Variants in KLHL30 observed in about 807,000 individuals in gnomAD.
The protein encoded by KLHL30 is kelch-like protein 30.
KLHL30 carries 55 observed loss-of-function variants against 55.0 expected under a neutral mutation model. The ratio of observed to expected loss-of-function variants is 1.00; its 90% CI spans 0.80 to 1.25. KLHL30 has a LOEUF of 1.25. KLHL30 is among the 50% of genes most tolerant of loss of function. The pLI, the probability that KLHL30 is intolerant of heterozygous loss-of-function variation, is 0.00. For synonymous variants in KLHL30, 356 were observed against 372.6 expected (o/e 0.96, Z 0.51); for missense variants, 786 against 811.6 (o/e 0.97, Z 0.38).
At position 238,140,874 on chromosome 2, in the gene KLHL30, C is replaced by A. The variant is rs747326598; in HGVS notation, c.120C>A (p.Gly40=). Reference sequence around the variant, plus strand: ...TGGCCGACGTCACACTGCTGGTGGGCGGCCGGGAGCTGCCATGCCACCGCG... The same window carrying A: ...TGGCCGACGTCACACTGCTGGTGGGAGGCCGGGAGCTGCCATGCCACCGCG... The part of the protein sequence containing the change: ...PKLADVTLLV[G]GRELPCHRGL... The change falls in exon 2 of 8, where the codon GGC becomes GGA. Residue 40 remains glycine, a synonymous_variant. Coordinates refer to ENST00000409223, the MANE Select transcript of KLHL30 (RefSeq NM_198582.4). 9 of 1,610,912 alleles carry A rather than the reference C, an allele frequency of 5.6e-6. No individual in the cohort carries two copies. Among genetic ancestry groups the A allele is most frequent in the Non-Finnish European group, 5.9e-6 (7 of 1,178,618 alleles).
At chr2:238,143,041 T>C (rs1200958263) in intron 3 of KLHL30, 110 bp downstream of exon 3, 25 of 1,297,826 alleles carry the variant, frequency 1.9e-5, no homozygotes, top group Non-Finnish European at 2.4e-5. Context: ...GACCGGGAGC[T>C]GTGTGAGGCC....
In KLHL30 at chr2:238,151,314, G is replaced by T. The variant is rs1031228104; in HGVS notation, c.*249G>T. 3.4e-6 allele frequency: 2 copies of T among 584,860 alleles called. No homozygotes were observed. Among genetic ancestry groups the T allele is most frequent in the East Asian group, 2.9e-5 (1 of 34,444 alleles). The allele number at this position is 584,860 out of a possible 1,614,324, so 36.2% of individuals were successfully genotyped here. A position where few individuals can be genotyped will look rare whatever the true frequency, so the allele number is the denominator to read the frequency against. ...GCCAGACGCTGGCATAACAGGGACA[G>T]GAAGCTCTGCTGCCCCTGGGGTTCC... is the stretch of plus-strand genomic sequence containing the variant. On this transcript the variant is annotated 3_prime_UTR_variant, in exon 8 of 8. Coordinates refer to ENST00000409223, the MANE Select transcript of KLHL30 (RefSeq NM_198582.4).
At position 238,138,765 on chromosome 2, in the gene KLHL30, T is replaced by C. The variant is rs1692477921; in HGVS notation, c.-71+7T>C. 1 of 152,672 alleles carries C rather than the reference T, an allele frequency of 6.5e-6. No homozygotes were observed. The highest frequency in any genetic ancestry group is 2.4e-5 in the African/African-American group (1 of 41,412). The allele number at this position is 152,672 out of a possible 1,614,324, so 9.5% of individuals were successfully genotyped here. On this transcript the variant is annotated splice_region_variant and intron_variant, in intron 1 of 7. Coordinates refer to ENST00000409223, the MANE Select transcript of KLHL30 (RefSeq NM_198582.4). The stretch of plus-strand genomic sequence containing the variant: ...GGTCCAGGCTGAGTGAGAGGTAGGA[T>C]CCAGGGGGCTCTGGGGCAGGGGACA...
rs754833564 is a variant in KLHL30 at position 238,149,078 on chromosome 2, G to C, written c.1411G>C (p.Gly471Arg). The change falls in exon 7 of 8, where the codon GGG becomes CGG. Residue 471 changes from glycine to arginine, a missense_variant. Gly to Arg is a moderately radical substitution (Grantham distance 125). Transcript: ENST00000409223. ...LSSPRCAALH[G>R]ELYLIGDNTK... is the part of the protein sequence containing the mutation. The stretch of plus-strand genomic sequence containing the variant: ...CTCGCCTCGCTGTGCTGCACTGCAC[G>C]GGGAGCTCTACCTCATTGGGGACAA... The C allele has an allele frequency of 2.5e-6, 4 of 1,613,296 alleles. No homozygotes were observed. The highest frequency in any genetic ancestry group is 3.4e-6 in the Non-Finnish European group (4 of 1,179,850).
At chr2:238,144,424 A>C (rs377579797) in intron 3 of KLHL30, among the ~76,000 whole-genome samples, 8,077 of 79,714 alleles carry the variant, frequency 0.1, 552 homozygotes, top group African/African-American at 0.25. Flanking sequence ...GGAAGGAAGG[A>C]AGGAAGGAAG....
chr2:238,148,900 T>G, intron 6 of KLHL30, 107 bp from the exon 7 acceptor site: 1 of 1,148,260 alleles, frequency 8.7e-7, no homozygotes, highest in Non-Finnish European at 1.2e-6. Context: ...ACAGGTTCAC[T>G]GAGGTTCAGA....
chr2:238,143,237 G>A (rs1340792044), intron 3 of KLHL30, among the ~76,000 whole-genome samples: 2 of 152,248 alleles, frequency 1.3e-5, no homozygotes, highest in African/African-American at 2.4e-5. Flanking sequence ...CACCCTGTGG[G>A]GTGGGCGGCC....
intron 1 of KLHL30, among the ~76,000 whole-genome samples, chr2:238,140,425 G>A (rs1281471845): frequency 6.6e-6 from 1 of 152,176 alleles, no homozygotes; most frequent in East Asian, 1.9e-4. Flanking sequence ...ACCCTGTTCT[G>A]CCCTGAATGC....
chr2:238,148,584 C>T (rs1429276364), intron 6 of KLHL30, among the ~76,000 whole-genome samples: 1 of 151,126 alleles, frequency 6.6e-6, no homozygotes, highest in Non-Finnish European at 1.5e-5. Flanking sequence ...GAGGACCCTT[C>T]AAGAGACTGA....
chr2:238,139,382 G>A (rs1320733293), intron 1 of KLHL30, among the ~76,000 whole-genome samples: 2 of 152,232 alleles, frequency 1.3e-5, no homozygotes, highest in African/African-American at 4.8e-5. Context: ...GCGCCTCCTG[G>A]GGAGGGGCCA....
chr2:238,149,793 A>T (rs1033531731), intron 7 of KLHL30, among the ~76,000 whole-genome samples: 1 of 151,984 alleles, frequency 6.6e-6, no homozygotes, highest in African/African-American at 2.4e-5. Flanking sequence ...CCACTCTTTG[A>T]CCATCAGTGC....
At position 238,144,009 on chromosome 2, in the gene KLHL30, A is replaced by G. The variant is rs932901572; in HGVS notation, c.908-893A>G. Among the ~76,000 whole-genome samples, 9 of 152,368 alleles carry G rather than the reference A, an allele frequency of 5.9e-5. No individual in the cohort carries two copies. In the South Asian group the frequency reaches 1.2e-3, roughly 21 times the overall value. On this transcript the variant is annotated intron_variant, in intron 3 of 7. Transcript: ENST00000409223. Reference sequence around the variant, plus strand: ...TTCCACAAACATCCAAAATATGTCCATTTATAGGACTTTACCATTTCCACA... The same window carrying G: ...TTCCACAAACATCCAAAATATGTCCGTTTATAGGACTTTACCATTTCCACA...
At chr2:238,149,686 G>T (rs1692717161) in intron 7 of KLHL30, among the ~76,000 whole-genome samples, 1 of 152,176 alleles carries the variant, frequency 6.6e-6, no homozygotes, top group African/African-American at 2.4e-5. Context: ...CTGCCCCAGG[G>T]TGGCCAAGTT....
At position 238,141,499 on chromosome 2, in the gene KLHL30, C is replaced by T. The variant is rs900946327; in HGVS notation, c.745C>T (p.Arg249Trp). The T allele has an allele frequency of 6.1e-6, 9 of 1,471,696 alleles. No homozygotes were observed. In the African/African-American group the frequency reaches 7.1e-5, roughly 12 times the overall value. 91.2% of individuals were successfully genotyped at this position (1,471,696 alleles called of 1,614,324 possible). ...CCTGATCCAGGAGTCAGAGGCATGC[C>T]GGGCAGCCCTGTCCCAGGGCCATGA... is the stretch of plus-strand genomic sequence containing the variant. ...EPLIQESEACRAALSQGHDGA... is the reference protein window; with the variant it reads ...EPLIQESEACWAALSQGHDGA... The change falls in exon 2 of 8, where the codon CGG becomes TGG. Residue 249 changes from arginine (R) to tryptophan (W), a missense_variant. Transcript: ENST00000409223.
rs1464976245 is a variant in KLHL30 at position 238,147,304 on chromosome 2, C to T, written c.1151-530C>T. ...GTGTCCCCAACCAGAGAGCAGAAAG[C>T]ACCCAGGGCTCCCGAGCCCAGGGCT... On this transcript the variant is annotated intron_variant, in intron 5 of 7. Transcript: ENST00000409223. This position sits in a 1 kb window ranked among gnomAD's most constrained non-coding sequence, Gnocchi z 5.8. 6.6e-6 allele frequency among the ~76,000 whole-genome samples: 1 copy of T among 152,100 alleles called. No individual in the cohort carries two copies. Among genetic ancestry groups the T allele is most frequent in the East Asian group, 1.9e-4 (1 of 5,170 alleles).
In KLHL30 at chr2:238,152,171, C is replaced by T. The variant is rs191644952; in HGVS notation, c.*1106C>T. The T allele has an allele frequency of 8.1e-6, 8 of 985,528 alleles. No homozygotes were observed. In the East Asian group the frequency reaches 9.1e-4, roughly 112 times the overall value. The allele number at this position is 985,528 out of a possible 1,614,324, so 61.0% of individuals were successfully genotyped here. On this transcript the variant is annotated 3_prime_UTR_variant, in exon 8 of 8. Transcript: ENST00000409223. ...CTGGTGTTGCCCCAGAGGCCCTGGG[C>T]AGCTCCGGTCTCCCGCCGGATCCAG...
At chr2:238,149,413 G>A (rs1252538602) in intron 7 of KLHL30, among the ~76,000 whole-genome samples, 3 of 152,128 alleles carry the variant, frequency 2.0e-5, no homozygotes, top group Non-Finnish European at 4.4e-5. Flanking sequence ...GCAGGCTGGG[G>A]TGCCCACAGA....
chr2:238,145,316 G>A (rs1160895179), intron 4 of KLHL30, among the ~76,000 whole-genome samples: 1 of 152,190 alleles, frequency 6.6e-6, no homozygotes, highest in African/African-American at 2.4e-5. Context: ...CCTTCAGCAG[G>A]AAGCCCCAGG....
At position 238,140,765 on chromosome 2, in the gene KLHL30, A is replaced by T. The variant is rs1692516283; in HGVS notation, c.11A>T (p.Asn4Ile). Residue 4 changes from asparagine (N) to isoleucine (I), a missense_variant, in exon 2 of 8, where the codon AAC becomes ATC. Asn to Ile is a moderately radical substitution (Grantham distance 149, BLOSUM62 -3). Coordinates refer to ENST00000409223, the MANE Select transcript of KLHL30 (RefSeq NM_198582.4). MVR[N>I]VDDLDFHLPS... ...CCTGGGCACGGCGTCATGGTGCGGA[A>T]CGTGGATGACCTGGATTTCCACCTG... 6.5e-7 allele frequency: 1 copy of T among 1,531,850 alleles called. No homozygotes were observed. Among genetic ancestry groups the T allele is most frequent in the African/African-American group, 1.4e-5 (1 of 73,192 alleles). The allele number at this position is 1,531,850 out of a possible 1,614,324, so 94.9% of individuals were successfully genotyped here.
Sources: gnomAD v4.1 joint callset for allele counts (sites outside exome capture counted in the v4.1 genomes callset) on GRCh38, gnomAD v4.1.1 for gene constraint, Gnocchi (gnomAD v3.1) non-coding constraint, MANE v1.5 for transcripts, NCBI Gene and HGNC (gene_info 2026-07-23, HGNC 2026-07-21) for gene names.